Variants in DDX1 observed in about 807,000 individuals in gnomAD.
DDX1 encodes DEAD-box helicase 1, also known as ATP-dependent RNA helicase DDX1.
Under a neutral mutation model 108.7 loss-of-function variants are expected in DDX1, and 28 were observed. The observed-to-expected ratio is 0.26, with a 90% confidence interval of 0.19 to 0.35. DDX1 has a LOEUF of 0.35. Ranked by LOEUF, DDX1 falls within the 10% of genes least tolerant of loss-of-function variation. The probability of loss-of-function intolerance (pLI) is 1.00; values close to 1 mark genes in which losing one functional copy is unlikely to be tolerated. For missense variants in DDX1, 710 were observed against 884.5 expected, an observed-to-expected ratio of 0.80 and a Z score of 2.50; for synonymous variants, 295 against 288.9, an observed-to-expected ratio of 1.02 and a Z score of -0.21.
At chr2:15,610,613 C>T (rs1665735375) in intron 13 of DDX1, among the ~76,000 whole-genome samples, 1 of 152,120 alleles carries the variant, frequency 6.6e-6, no homozygotes, top group Non-Finnish European at 1.5e-5. Context: ...CTGGAGGCAA[C>T]GTTTTAAATT....
At chr2:15,610,712 T>A (rs1314430422) in intron 13 of DDX1, among the ~76,000 whole-genome samples, 1 of 152,214 alleles carries the variant, frequency 6.6e-6, no homozygotes, top group African/African-American at 2.4e-5. Flanking sequence ...TAAAGAACCT[T>A]GAATTATCCT....
At chr2:15,628,596 T>A in intron 21 of DDX1, 42 bp from the exon 22 acceptor site, 1 of 1,596,520 alleles carries the variant, frequency 6.3e-7, no homozygotes, top group Non-Finnish European at 8.6e-7. Context: ...TTGAAAAATT[T>A]AGAAACTACT....
At chr2:15,605,882 T>G in intron 10 of DDX1, 68 bp from the exon 11 acceptor site, 5 of 1,091,518 alleles carry the variant, frequency 4.6e-6, no homozygotes, top group Non-Finnish European at 6.6e-6. Context: ...CTGGTAGATT[T>G]GACATTGTCA....
intron 19 of DDX1, among the ~76,000 whole-genome samples, chr2:15,625,496 G>A (rs1316332003): frequency 2.0e-5 from 3 of 152,104 alleles, no homozygotes; most frequent in Non-Finnish European, 4.4e-5. Flanking sequence ...GCCGAACTCT[G>A]TACTGATGTC....
chr2:15,592,590 ACC>A (rs1321890145), intron 1 of DDX1, among the ~76,000 whole-genome samples: 1 of 152,114 alleles, frequency 6.6e-6, no homozygotes, highest in African/African-American at 2.4e-5. Flanking sequence ...GCCGTCTGCT[ACC>A]CTCCTTTATT....
rs1474818068 is a variant in DDX1 at position 15,630,030 on chromosome 2, C to T, written c.2012C>T (p.Ser671Phe). The T allele has an allele frequency of 1.9e-6, 3 of 1,612,632 alleles. No homozygotes were observed. Among genetic ancestry groups the T allele is most frequent in the African/African-American group, 2.7e-5 (2 of 74,890 alleles). The change falls in exon 25 of 26, where the codon TCT becomes TTT. Residue 671 changes from serine to phenylalanine, a missense_variant. Physicochemically the swap from Ser to Phe is radical, Grantham distance 155. This residue lies in a region of DDX1 where 661 missense variants were observed against 810.2 expected (regional missense o/e 0.82). Transcript: ENST00000233084. ...GAAGAACACCTGAACTGTACCATTT[C>T]TCAGGTTGAGCCGGATATAAAGGTA... ...EIEEHLNCTI[S>F]QVEPDIKVPV...
chr2:15,607,676 T>C (rs764981789), intron 13 of DDX1, among the ~76,000 whole-genome samples: 27 of 152,242 alleles, frequency 1.8e-4, no homozygotes, highest in Non-Finnish European at 3.2e-4. Context: ...AACCTTGACC[T>C]CCTGGACTCA....
intron 19 of DDX1, among the ~76,000 whole-genome samples, chr2:15,626,533 C>T (rs1364505428): frequency 6.6e-6 from 1 of 152,074 alleles, no homozygotes; most frequent in East Asian, 1.9e-4. Flanking sequence ...ACTGCACTTG[C>T]CTCTAAAATA....
At position 15,630,861 on chromosome 2, in the gene DDX1, C is replaced by A; in HGVS notation, c.2178C>A (p.Phe726Leu). The A allele has an allele frequency of 6.2e-7, 1 of 1,614,078 alleles. No individual in the cohort carries two copies. The highest frequency in any genetic ancestry group is 8.5e-7 in the Non-Finnish European group (1 of 1,179,966). ...TTGAAAAGGAGGCGCAGACATCTTTCCTGCATCTTGGCTACCTTCCTAACC... is the reference window on the plus strand; with the variant it reads ...TTGAAAAGGAGGCGCAGACATCTTTACTGCATCTTGGCTACCTTCCTAACC... ...AALEKEAQTS[F>L]LHLGYLPNQL... Residue 726 changes from phenylalanine (F) to leucine (L), a missense_variant, in exon 26 of 26, where the codon TTC becomes TTA. Physicochemically the swap from Phe to Leu is conservative, Grantham distance 22. Around this residue, in one of 3 missense-constraint regions of DDX1, gnomAD observed 661 missense variants for 810.2 expected, o/e 0.82. Transcript: ENST00000233084.
At position 15,620,374 on chromosome 2, in the gene DDX1, G is replaced by C; in HGVS notation, c.1373G>C (p.Arg458Thr). Residue 458 changes from arginine to threonine, a missense_variant, in exon 17 of 26, where the codon AGG becomes ACG. This residue lies in a region of DDX1 where 661 missense variants were observed against 810.2 expected (regional missense o/e 0.82). Coordinates refer to ENST00000233084, the MANE Select transcript of DDX1 (RefSeq NM_004939.3). ...VNPKTDRLWE[R>T]LGKSHIRTDD... Reference sequence around the variant, plus strand: ...CCCAAAACTGACAGACTCTGGGAAAGGCTTGGAAAGAGCCACATTAGAGTA... The same window carrying C: ...CCCAAAACTGACAGACTCTGGGAAACGCTTGGAAAGAGCCACATTAGAGTA... 6.2e-7 allele frequency: 1 copy of C among 1,612,920 alleles called. No individual in the cohort carries two copies. Among genetic ancestry groups the C allele is most frequent in the Non-Finnish European group, 8.5e-7 (1 of 1,179,724 alleles).
chr2:15,607,378 T>G, intron 13 of DDX1, 65 bp downstream of exon 13: 1 of 1,459,768 alleles, frequency 6.9e-7, no homozygotes, highest in Non-Finnish European at 9.5e-7. Flanking sequence ...GGAAGAAGAA[T>G]AAGGTAGAGA....
At chr2:15,610,519 G>A (rs1309450046) in intron 13 of DDX1, among the ~76,000 whole-genome samples, 1 of 152,206 alleles carries the variant, frequency 6.6e-6, no homozygotes, top group Non-Finnish European at 1.5e-5. Context: ...GCCAGTCATT[G>A]AAATGAGAAA....
At chr2:15,607,368 GGAA>G (rs1364170182) in intron 13 of DDX1, 55 bp downstream of exon 13, 2 of 1,538,944 alleles carry the variant, frequency 1.3e-6, no homozygotes, top group African/African-American at 1.4e-5. Flanking sequence ...GAAGTTTTTT[GGAA>G]GAAGAATAAG....
chr2:15,623,491 C>G lies in DDX1; in HGVS notation c.1503C>G (p.Ile501Met), dbSNP rs746473980. ...AAGGGGAGTATGCTGTCCGGGCAAT[C>G]AAGGAACATAAGATGGATCAAGCAA... ...ILKGEYAVRAIKEHKMDQAII... is the reference protein window; with the variant it reads ...ILKGEYAVRAMKEHKMDQAII... Residue 501 changes from isoleucine (I) to methionine (M), a missense_variant, in exon 19 of 26, where the codon ATC (isoleucine) becomes ATG (methionine). Physicochemically the swap from Ile to Met is conservative, Grantham distance 10. Around this residue, in one of 3 missense-constraint regions of DDX1, gnomAD observed 661 missense variants for 810.2 expected, o/e 0.82. Coordinates refer to ENST00000233084, the MANE Select transcript of DDX1 (RefSeq NM_004939.3). 5 of 1,613,496 alleles carry G rather than the reference C, an allele frequency of 3.1e-6. No homozygotes were observed. Among genetic ancestry groups the G allele is most frequent in the Non-Finnish European group, 4.2e-6 (5 of 1,179,632 alleles).
At chr2:15,621,558 G>C (rs994536336) in intron 18 of DDX1, among the ~76,000 whole-genome samples, 8 of 151,588 alleles carry the variant, frequency 5.3e-5, no homozygotes, top group African/African-American at 1.5e-4. Flanking sequence ...CTCCCACCTC[G>C]ACCTCCCAAA....
intron 13 of DDX1, 43 bp from the exon 14 acceptor site, chr2:15,613,181 T>C (rs774334048): frequency 4.5e-6 from 6 of 1,338,236 alleles, no homozygotes; most frequent in Middle Eastern, 2.3e-4. Context: ...AAGCAGACTT[T>C]AATTTTTTTT....
In DDX1 at chr2:15,630,187, CTTTCA is replaced by C. The variant is rs557982449; in HGVS notation, c.2092+85_2092+89del. 121 of 1,410,114 alleles carry C rather than the reference CTTTCA, an allele frequency of 8.6e-5. No individual in the cohort carries two copies. In the African/African-American group the frequency reaches 1.5e-3, roughly 18 times the overall value. The allele number at this position is 1,410,114 out of a possible 1,614,324, so 87.4% of individuals were successfully genotyped here. A position where few individuals can be genotyped will look rare whatever the true frequency, so the allele number is the denominator to read the frequency against. ...TGAACTTCGGTTTGGGAAGGCAGTA[CTTTCA>C]TTTCATTAGGTTAAGAGTATATTTT... On this transcript the variant is annotated intron_variant, in intron 25 of 25. Transcript: ENST00000233084.
At chr2:15,627,210 GTT>G in intron 20 of DDX1, 65 bp downstream of exon 20, 1 of 903,898 alleles carries the variant, frequency 1.1e-6, no homozygotes, top group Non-Finnish European at 1.7e-6. Flanking sequence ...GTTTTAAGCA[GTT>G]TTAATTAATA....
intron 6 of DDX1, among the ~76,000 whole-genome samples, chr2:15,600,182 G>A (rs139792863): frequency 6.6e-6 from 1 of 152,316 alleles, no homozygotes. Flanking sequence ...ATTTATAGGT[G>A]GAGTTGGACA....
Sources: gnomAD v4.1 joint callset for allele counts (sites outside exome capture counted in the v4.1 genomes callset) on GRCh38, gnomAD v4.1.1 for gene constraint, gnomAD v4.1.1 regional missense constraint, MANE v1.5 for transcripts, NCBI Gene and HGNC (gene_info 2026-07-23, HGNC 2026-07-21) for gene names.